ROBO2: variants seen among roughly 807,000 people sequenced by gnomAD.
ROBO2 encodes the protein roundabout homolog 2.
ROBO2 carries 53 observed loss-of-function variants against 160.8 expected under a neutral mutation model. The observed-to-expected ratio is 0.33, with a 90% CI of 0.26 to 0.41. The LOEUF is 0.41. Among genes scored for constraint, ROBO2 ranks in the 10% least tolerant of loss-of-function variants. The pLI is 1.00. For missense variants in ROBO2, 1,577 were observed against 1,722.4 expected (o/e 0.92, Z 1.49); for synonymous variants, 664 against 611.7 (o/e 1.09, Z -1.26).
At chr3:77,363,445 C>T (rs2070351711) in intron 2 of ROBO2, among the ~76,000 whole-genome samples, 1 of 152,044 alleles carries the variant, frequency 6.6e-6, no homozygotes, top group South Asian at 2.1e-4. Context: ...GATTTGCAGG[C>T]CATACGATCT....
chr3:76,879,612 G>A (rs909869021), intron 2 of ROBO2, among the ~76,000 whole-genome samples: 9 of 152,096 alleles, frequency 5.9e-5, no homozygotes, highest in African/African-American at 1.9e-4. Context: ...GAAGATCAAA[G>A]CAAACAAACA....
At chr3:76,611,275 G>A (rs1477168854) in intron 2 of ROBO2, among the ~76,000 whole-genome samples, 1 of 152,106 alleles carries the variant, frequency 6.6e-6, no homozygotes, top group East Asian at 1.9e-4. Flanking sequence ...GTCTGCCTAG[G>A]AATTTGTCTG....
intron 1 of ROBO2, among the ~76,000 whole-genome samples, chr3:77,057,682 T>C (rs1036835322): frequency 6.6e-6 from 1 of 150,618 alleles, no homozygotes; most frequent in Non-Finnish European, 1.5e-5. Flanking sequence ...GTGATTCTCA[T>C]GCTTCAGCCT....
intron 2 of ROBO2, among the ~76,000 whole-genome samples, chr3:77,320,557 TA>T (rs34906322): frequency 0.16 from 24,052 of 146,730 alleles, 2,176 homozygotes; most frequent in Admixed American, 0.28. Context: ...TTCTAGCTCT[TA>T]AAAAAAAAAA....
At chr3:76,543,864 C>G (rs1422656335) in intron 2 of ROBO2, among the ~76,000 whole-genome samples, 1 of 151,946 alleles carries the variant, frequency 6.6e-6, no homozygotes, top group Non-Finnish European at 1.5e-5. Flanking sequence ...CCTTGGCTAT[C>G]CCCTCAGATC....
At chr3:76,759,890 A>G (rs2061205123) in intron 2 of ROBO2, among the ~76,000 whole-genome samples, 1 of 151,786 alleles carries the variant, frequency 6.6e-6, no homozygotes, top group Non-Finnish European at 1.5e-5. Context: ...CTCTTCACTT[A>G]GGCCCTGGTA....
intron 5 of ROBO2, among the ~76,000 whole-genome samples, chr3:77,501,146 G>A (rs1202136144): frequency 1.3e-5 from 2 of 152,050 alleles, no homozygotes; most frequent in Non-Finnish European, 2.9e-5. Context: ...CTGAGGTAGC[G>A]ACTAGGGCAA....
At chr3:76,311,571 G>A (rs546144598) in intron 2 of ROBO2, among the ~76,000 whole-genome samples, 6 of 152,176 alleles carry the variant, frequency 3.9e-5, no homozygotes, top group Non-Finnish European at 7.3e-5. Flanking sequence ...TAGCTAGAAA[G>A]AAGAATTTTC....
intron 2 of ROBO2, among the ~76,000 whole-genome samples, chr3:76,037,907 A>G (rs2067166487): frequency 6.6e-6 from 1 of 152,036 alleles, no homozygotes; most frequent in Admixed American, 6.5e-5. Context: ...TCAAGGAGGA[A>G]GTATGAATAA....
intron 2 of ROBO2, among the ~76,000 whole-genome samples, chr3:76,879,484 A>G (rs550456806): frequency 1.3e-5 from 2 of 152,218 alleles, no homozygotes; most frequent in African/African-American, 4.8e-5. Flanking sequence ...TTCCTCTGAA[A>G]AAATAATATG....
At chr3:76,680,514 T>G (rs2092532051) in intron 2 of ROBO2, among the ~76,000 whole-genome samples, 1 of 152,044 alleles carries the variant, frequency 6.6e-6, no homozygotes, top group Non-Finnish European at 1.5e-5. Flanking sequence ...TGTAGACAAA[T>G]GCAGGAGAAG....
chr3:76,445,718 T>G (rs954254418), intron 2 of ROBO2, among the ~76,000 whole-genome samples: 1 of 152,144 alleles, frequency 6.6e-6, no homozygotes, highest in East Asian at 1.9e-4. Flanking sequence ...ATCCCTGGGA[T>G]GCAAGGCTGG....
At chr3:77,506,055 T>C (rs2088471881) in intron 5 of ROBO2, among the ~76,000 whole-genome samples, 1 of 152,114 alleles carries the variant, frequency 6.6e-6, no homozygotes, top group South Asian at 2.1e-4. Context: ...GTGAAAAACA[T>C]GCTCAAGGTC....
chr3:77,291,339 C>T (rs1447322813), intron 2 of ROBO2, among the ~76,000 whole-genome samples: 10 of 151,580 alleles, frequency 6.6e-5, no homozygotes, highest in East Asian at 4.0e-4. Flanking sequence ...TCACCCCAGA[C>T]GTAAAGTAAA....
At chr3:76,973,551 A>G (rs542979755) in intron 2 of ROBO2, among the ~76,000 whole-genome samples, 4 of 152,248 alleles carry the variant, frequency 2.6e-5, no homozygotes, top group African/African-American at 9.6e-5. Context: ...GAAAAATCCA[A>G]CATCTTATAC....
chr3:76,935,553 G>T (rs1261042204), intron 2 of ROBO2, among the ~76,000 whole-genome samples: 1 of 152,116 alleles, frequency 6.6e-6, no homozygotes, highest in East Asian at 1.9e-4. Context: ...TACTATCACA[G>T]AATACAATAG....
chr3:76,126,004 T>A (rs1293922877), intron 2 of ROBO2, among the ~76,000 whole-genome samples: 1 of 152,006 alleles, frequency 6.6e-6, no homozygotes, highest in Non-Finnish European at 1.5e-5. Context: ...TTTTTGTATT[T>A]TTAGTAGAGA....
chr3:77,166,402 T>C (rs2079078315), intron 2 of ROBO2, among the ~76,000 whole-genome samples: 1 of 152,230 alleles, frequency 6.6e-6, no homozygotes, highest in Non-Finnish European at 1.5e-5. Flanking sequence ...ATTGATTCAA[T>C]TGCATCTATC....
chr3:77,216,601 A>T (rs936640767), intron 2 of ROBO2, among the ~76,000 whole-genome samples: 1 of 152,116 alleles, frequency 6.6e-6, no homozygotes, highest in Non-Finnish European at 1.5e-5. Flanking sequence ...ACTGTCCGAC[A>T]TTCCCCAGTG....
Sources: gnomAD v4.1 joint callset for allele counts (sites outside exome capture counted in the v4.1 genomes callset) on GRCh38, gnomAD v4.1.1 for gene constraint, MANE v1.5 for transcripts, NCBI Gene and HGNC (gene_info 2026-07-23, HGNC 2026-07-21) for gene names.